CAMK2A: variants seen among roughly 807,000 people sequenced by gnomAD.
CAMK2A encodes the protein calcium/calmodulin-dependent protein kinase type II subunit alpha.
Under a neutral mutation model 79.2 loss-of-function variants are expected in CAMK2A, and 7 were observed. The ratio of observed to expected loss-of-function variants is 0.09; its 90% CI spans 0.05 to 0.17. The LOEUF (loss-of-function observed/expected upper bound fraction) is 0.17. Ranked by LOEUF, CAMK2A falls within the 10% of genes least tolerant of loss-of-function variation. The pLI is 1.00. For missense variants in CAMK2A, 214 were observed against 646.4 expected, an observed-to-expected ratio of 0.33 and a Z score of 7.25; for synonymous variants, 242 against 251.7, an observed-to-expected ratio of 0.96 and a Z score of 0.36.
intron 3 of CAMK2A, among the ~76,000 whole-genome samples, chr5:150,264,258 A>G (rs1044048372): frequency 6.6e-6 from 1 of 152,192 alleles, no homozygotes; most frequent in Non-Finnish European, 1.5e-5. Context: ...GATGGGGGGA[A>G]GTGATTCAGA....
chr5:150,222,969 C>T lies in CAMK2A; in HGVS notation c.1466+20G>A. 5 of 1,602,788 alleles carry T rather than the reference C, an allele frequency of 3.1e-6. No individual in the cohort carries two copies. Among genetic ancestry groups the T allele is most frequent in the South Asian group, 1.1e-5 (1 of 90,832 alleles). On this transcript the variant is annotated intron_variant, in intron 18 of 18. Transcript: ENST00000671881. ...CCATCCTTTACATTACCCTGGGAGG[C>T]AGGAAGGAGGGATTCTTACTGGGGC... is the stretch of plus-strand genomic sequence containing the variant.
rs777303710 is a variant in CAMK2A at position 150,289,645 on chromosome 5, G to A, written c.-20C>T. 2.5e-6 allele frequency: 4 copies of A among 1,610,632 alleles called. No individual in the cohort carries two copies. The highest frequency in any genetic ancestry group is 3.3e-5 in the Admixed American group (2 of 60,014). On this transcript the variant is annotated 5_prime_UTR_variant, in exon 1 of 19. Transcript: ENST00000671881. ...GGCCATCCTGGCGCTGGGCAGGCAG[G>A]TGAGGCTTGGGACTGGGGGACCAGG...
chr5:150,264,642 G>A lies in CAMK2A; in HGVS notation c.217+314C>T, dbSNP rs3756576. ...GTGGGTATGGGGAATGGGCCACAGC[G>A]GTCAAGGCCAAGCATGTCCCCCTGG... On this transcript the variant is annotated intron_variant, in intron 3 of 18. Coordinates refer to ENST00000671881, the MANE Select transcript of CAMK2A (RefSeq NM_015981.4). Among the ~76,000 whole-genome samples, 41 of 152,322 alleles carry A rather than the reference G, an allele frequency of 2.7e-4. 2 individuals are homozygous for A. The East Asian group carries it at 7.0e-3, about 26-fold the overall frequency.
At chr5:150,232,874 C>A (rs1580901308) in intron 15 of CAMK2A, among the ~76,000 whole-genome samples, 1 of 152,326 alleles carries the variant, frequency 6.6e-6, no homozygotes, top group South Asian at 2.1e-4. Flanking sequence ...CCTTATCAAA[C>A]TTTAGGGAAA....
At chr5:150,255,516 C>T (rs1414274735) in intron 6 of CAMK2A, among the ~76,000 whole-genome samples, 1 of 152,244 alleles carries the variant, frequency 6.6e-6, no homozygotes, top group Admixed American at 6.5e-5. Flanking sequence ...TACAACAAAG[C>T]TGCTGGAGTC....
chr5:150,235,472 C>T (rs530843287), intron 15 of CAMK2A, among the ~76,000 whole-genome samples: 92 of 152,366 alleles, frequency 6.0e-4, no homozygotes, highest in African/African-American at 2.1e-3. Flanking sequence ...GAGGTTAAGA[C>T]ACTCTCTCAA....
At chr5:150,258,847 A>T (rs1410244149) in intron 3 of CAMK2A, among the ~76,000 whole-genome samples, 1 of 152,210 alleles carries the variant, frequency 6.6e-6, no homozygotes, top group African/African-American at 2.4e-5. Flanking sequence ...GGAGAGGTGG[A>T]TGGGCACCAG....
intron 15 of CAMK2A, among the ~76,000 whole-genome samples, chr5:150,236,758 G>C (rs1476075902): frequency 6.6e-6 from 1 of 152,164 alleles, no homozygotes; most frequent in Non-Finnish European, 1.5e-5. Context: ...ATGCCCCTGG[G>C]GTCATAATTC....
intron 14 of CAMK2A, among the ~76,000 whole-genome samples, chr5:150,239,453 C>G (rs940397849): frequency 6.6e-6 from 1 of 152,202 alleles, no homozygotes; most frequent in Admixed American, 6.5e-5. Context: ...TCAGATCCAC[C>G]TTCACACCCG....
At chr5:150,263,576 C>T (rs1756386402) in intron 3 of CAMK2A, among the ~76,000 whole-genome samples, 1 of 151,928 alleles carries the variant, frequency 6.6e-6, no homozygotes, top group Non-Finnish European at 1.5e-5. Context: ...TACACACACA[C>T]ATACATGCAT....
chr5:150,250,620 C>A, intron 10 of CAMK2A, 68 bp downstream of exon 10: 1 of 1,595,636 alleles, frequency 6.3e-7, no homozygotes, highest in Admixed American at 1.7e-5. Context: ...AGGGCCAGAA[C>A]TCTGTGGGGG....
chr5:150,251,211 G>A (rs1439566689), intron 9 of CAMK2A, among the ~76,000 whole-genome samples: 3 of 152,164 alleles, frequency 2.0e-5, no homozygotes, highest in South Asian at 2.1e-4. Flanking sequence ...TAAAACATAC[G>A]GCACAGAGCT....
intron 11 of CAMK2A, 80 bp downstream of exon 11, chr5:150,250,146 G>T: frequency 1.0e-6 from 1 of 987,656 alleles, no homozygotes; most frequent in South Asian, 1.3e-5. Flanking sequence ...AAGAATTAGT[G>T]AGCGAGTCTC....
At chr5:150,229,050 T>C (rs1317433655) in intron 16 of CAMK2A, among the ~76,000 whole-genome samples, 1 of 152,144 alleles carries the variant, frequency 6.6e-6, no homozygotes, top group East Asian at 1.9e-4. Context: ...TGGTATAACA[T>C]GGACCCCTGT....
intron 15 of CAMK2A, among the ~76,000 whole-genome samples, chr5:150,232,186 T>C (rs1476141054): frequency 6.6e-6 from 1 of 152,182 alleles, no homozygotes; most frequent in Non-Finnish European, 1.5e-5. Flanking sequence ...CTTAGACAGA[T>C]GTTTATTTAA....
At chr5:150,226,673 G>A (rs1463314862) in intron 17 of CAMK2A, among the ~76,000 whole-genome samples, 1 of 134,430 alleles carries the variant, frequency 7.4e-6, no homozygotes, top group African/African-American at 2.8e-5. Context: ...GGAGGCGGAG[G>A]TTGCAGTGAG....
At chr5:150,253,617 C>T in intron 6 of CAMK2A, 71 bp from the exon 7 acceptor site, 2 of 1,298,818 alleles carry the variant, frequency 1.5e-6, no homozygotes. Flanking sequence ...TTCAGAGCCT[C>T]ACCTCTAGGG....
intron 1 of CAMK2A, among the ~76,000 whole-genome samples, chr5:150,285,384 G>T (rs1366582648): frequency 6.6e-6 from 1 of 152,166 alleles, no homozygotes; most frequent in Non-Finnish European, 1.5e-5. Context: ...AGAAAAGCAC[G>T]GCCCCCAGTC....
At chr5:150,263,099 CTA>C (rs1756362231) in intron 3 of CAMK2A, among the ~76,000 whole-genome samples, 1 of 152,118 alleles carries the variant, frequency 6.6e-6, no homozygotes, top group Non-Finnish European at 1.5e-5. Context: ...CATCACAATC[CTA>C]TGAGCTAGTT....
Sources: gnomAD v4.1 joint callset for allele counts (sites outside exome capture counted in the v4.1 genomes callset) on GRCh38, gnomAD v4.1.1 for gene constraint, MANE v1.5 for transcripts, NCBI Gene and HGNC (gene_info 2026-07-23, HGNC 2026-07-21) for gene names.